COL23A1: variants seen among roughly 807,000 people sequenced by gnomAD.
The protein encoded by COL23A1 is collagen type XXIII alpha 1 chain.
COL23A1 carries 97 observed loss-of-function variants against 99.3 expected under a neutral mutation model. That is an observed-to-expected ratio of 0.98 (90% confidence interval 0.83 to 1.16). COL23A1 has a LOEUF of 1.16. Among genes scored for constraint, COL23A1 ranks in the 50% most tolerant of loss-of-function variants. The probability of loss-of-function intolerance (pLI) is 0.00; values close to 1 mark genes in which losing one functional copy is unlikely to be tolerated. For missense variants in COL23A1, 762 were observed against 757.4 expected, an observed-to-expected ratio of 1.01 and a Z score of -0.07; for synonymous variants, 320 against 308.2, an observed-to-expected ratio of 1.04 and a Z score of -0.40.
chr5:178,494,474 C>T (rs886504942), intron 2 of COL23A1, among the ~76,000 whole-genome samples: 4 of 152,144 alleles, frequency 2.6e-5, no homozygotes, highest in African/African-American at 9.7e-5. Flanking sequence ...GTCAGGAGTT[C>T]GAGACCAGCC....
intron 6 of COL23A1, among the ~76,000 whole-genome samples, chr5:178,269,518 C>CCCATCCACCCACCCATCTATCCACCCAT (rs1756142813): frequency 1.3e-5 from 1 of 78,100 alleles, no homozygotes; most frequent in Non-Finnish European, 2.4e-5. Context: ...CATCCACCCA[C>CCCATCCACCCACCCATCTATCCACCCAT]CCATCCACCC....
chr5:178,370,929 G>A (rs1275755211), intron 2 of COL23A1, among the ~76,000 whole-genome samples: 1 of 152,142 alleles, frequency 6.6e-6, no homozygotes, highest in Non-Finnish European at 1.5e-5. Context: ...GTGACAGAGT[G>A]TGACCCTGTC....
intron 2 of COL23A1, among the ~76,000 whole-genome samples, chr5:178,517,573 T>TTTTTTTTTTTTTTG (rs1759604402): frequency 7.3e-6 from 1 of 137,914 alleles, no homozygotes; most frequent in African/African-American, 2.8e-5. Flanking sequence ...TTTTTGTTTT[T>TTTTTTTTTTTTTTG]TTTTTTGAGA....
intron 2 of COL23A1, among the ~76,000 whole-genome samples, chr5:178,537,187 C>T (rs546728381): frequency 2.6e-5 from 4 of 151,390 alleles, no homozygotes; most frequent in Non-Finnish European, 5.9e-5. Context: ...GCACCCCTGA[C>T]CACCCGTGTC....
intron 2 of COL23A1, among the ~76,000 whole-genome samples, chr5:178,386,816 C>T (rs574177559): frequency 3.3e-5 from 5 of 152,278 alleles, no homozygotes; most frequent in South Asian, 4.1e-4. Flanking sequence ...GAGAACAGGA[C>T]GCACACTCCT....
At chr5:178,357,530 CAT>C (rs1761727524) in intron 2 of COL23A1, among the ~76,000 whole-genome samples, 1 of 152,224 alleles carries the variant, frequency 6.6e-6, no homozygotes, top group Non-Finnish European at 1.5e-5. Context: ...TGAAGGAAAA[CAT>C]ATTTTGGAAT....
chr5:178,294,067 C>A (rs1234660838), intron 3 of COL23A1, among the ~76,000 whole-genome samples: 1 of 152,044 alleles, frequency 6.6e-6, no homozygotes, highest in Non-Finnish European at 1.5e-5. Flanking sequence ...GAGATGGCTT[C>A]TAGAATGACA....
At chr5:178,463,244 G>T (rs1756225024) in intron 2 of COL23A1, among the ~76,000 whole-genome samples, 1 of 152,218 alleles carries the variant, frequency 6.6e-6, no homozygotes, top group South Asian at 2.1e-4. Flanking sequence ...AGTAAATTAA[G>T]GATTTCTTTC....
intron 2 of COL23A1, among the ~76,000 whole-genome samples, chr5:178,553,089 G>A (rs1762092719): frequency 6.6e-6 from 1 of 150,758 alleles, no homozygotes; most frequent in Non-Finnish European, 1.5e-5. Flanking sequence ...AGGATCACTT[G>A]AGCTCAGGAG....
At chr5:178,521,732 C>A (rs1759957904) in intron 2 of COL23A1, among the ~76,000 whole-genome samples, 1 of 152,118 alleles carries the variant, frequency 6.6e-6, no homozygotes, top group East Asian at 1.9e-4. Context: ...AGTCCTTATG[C>A]TAAGTGAAAG....
intron 3 of COL23A1, among the ~76,000 whole-genome samples, chr5:178,297,184 C>T (rs532895069): frequency 1.3e-5 from 2 of 152,366 alleles, no homozygotes; most frequent in African/African-American, 4.8e-5. Context: ...GGCTCCACTG[C>T]CACTGCCTTG....
chr5:178,411,243 T>C (rs1299050859), intron 2 of COL23A1, among the ~76,000 whole-genome samples: 1 of 152,182 alleles, frequency 6.6e-6, no homozygotes. Context: ...GTTTGGTGGT[T>C]CCTCAAAATC....
intron 2 of COL23A1, among the ~76,000 whole-genome samples, chr5:178,327,656 G>A (rs1226003572): frequency 2.6e-5 from 4 of 152,146 alleles, no homozygotes; most frequent in Non-Finnish European, 4.4e-5. Context: ...CAGAGCCCAC[G>A]TGCTGGAGTC....
At chr5:178,470,561 T>A (rs1466583671) in intron 2 of COL23A1, among the ~76,000 whole-genome samples, 1 of 151,762 alleles carries the variant, frequency 6.6e-6, no homozygotes, top group Non-Finnish European at 1.5e-5. Flanking sequence ...CTAAGCTCAT[T>A]AACAGGCCAG....
At chr5:178,405,221 T>C (rs1300110701) in intron 2 of COL23A1, among the ~76,000 whole-genome samples, 1 of 152,266 alleles carries the variant, frequency 6.6e-6, no homozygotes, top group Non-Finnish European at 1.5e-5. Context: ...AGCCCGGCTC[T>C]GAGGCCACCT....
chr5:178,524,742 G>A (rs1354768507), intron 2 of COL23A1, among the ~76,000 whole-genome samples: 1 of 152,168 alleles, frequency 6.6e-6, no homozygotes, highest in Non-Finnish European at 1.5e-5. Context: ...TGCCCCTGAA[G>A]CAGGGCCTTC....
At chr5:178,560,790 G>C (rs769764630) in intron 1 of COL23A1, 42 bp from the exon 2 acceptor site, 29 of 1,567,320 alleles carry the variant, frequency 1.9e-5, no homozygotes, top group Admixed American at 5.7e-5. Flanking sequence ...AGGAGAGAAT[G>C]AGTTTCAGAA....
intron 2 of COL23A1, among the ~76,000 whole-genome samples, chr5:178,445,767 A>G (rs1321404679): frequency 6.6e-6 from 1 of 152,134 alleles, no homozygotes; most frequent in Non-Finnish European, 1.5e-5. Flanking sequence ...TCTTTCCAGG[A>G]TATGACACCA....
intron 2 of COL23A1, among the ~76,000 whole-genome samples, chr5:178,536,749 TG>T (rs1431025809): frequency 3.3e-5 from 5 of 152,186 alleles, no homozygotes; most frequent in Non-Finnish European, 7.4e-5. Flanking sequence ...ACAGAGGCTC[TG>T]GGAGGGGCTG....
Sources: gnomAD v4.1 joint callset for allele counts (sites outside exome capture counted in the v4.1 genomes callset) on GRCh38, gnomAD v4.1.1 for gene constraint, MANE v1.5 for transcripts, NCBI Gene and HGNC (gene_info 2026-07-23, HGNC 2026-07-21) for gene names.